TMTC2: variants seen among roughly 807,000 people sequenced by gnomAD.
TMTC2 encodes the protein protein O-mannosyl-transferase TMTC2.
Under a neutral mutation model 82.4 loss-of-function variants are expected in TMTC2, and 43 were observed. That is an observed-to-expected ratio of 0.52 (90% confidence interval 0.41 to 0.67). TMTC2 has a LOEUF of 0.67. TMTC2 is among the 30% of genes least tolerant of loss of function. TMTC2 has a pLI of 0.00. For synonymous variants in TMTC2, 408 were observed against 381.9 expected (o/e 1.07, Z -0.80); for missense variants, 919 against 1,012.4 (o/e 0.91, Z 1.25).
intron 1 of TMTC2, among the ~76,000 whole-genome samples, chr12:82,713,671 C>G (rs567367501): frequency 6.6e-6 from 1 of 152,340 alleles, no homozygotes; most frequent in Non-Finnish European, 1.5e-5. Context: ...TTACCTCCCA[C>G]TGGGTCCCTC....
At chr12:83,107,070 C>T (rs972138937) in intron 11 of TMTC2, among the ~76,000 whole-genome samples, 6 of 152,134 alleles carry the variant, frequency 3.9e-5, no homozygotes, top group African/African-American at 1.4e-4. Context: ...GGCATCTTGC[C>T]AGAAATACAG....
chr12:82,949,100 A>G (rs554156498), intron 4 of TMTC2, among the ~76,000 whole-genome samples: 3 of 152,358 alleles, frequency 2.0e-5, no homozygotes, highest in South Asian at 4.1e-4. Context: ...TGAGCAAGAA[A>G]GGTTTTGGCC....
intron 8 of TMTC2, among the ~76,000 whole-genome samples, chr12:83,028,728 G>A (rs1565860014): frequency 6.6e-6 from 1 of 152,020 alleles, no homozygotes; most frequent in South Asian, 2.1e-4. Context: ...CCTAGAATCT[G>A]TACTCCTAAT....
At chr12:83,086,806 G>T (rs748811524) in intron 11 of TMTC2, among the ~76,000 whole-genome samples, 1 of 152,072 alleles carries the variant, frequency 6.6e-6, no homozygotes, top group Non-Finnish European at 1.5e-5. Flanking sequence ...AAATGCTAAC[G>T]GTCATCTGAG....
At position 82,952,823 on chromosome 12, in the gene TMTC2, T is replaced by C. The variant is rs895061975; in HGVS notation, c.1599-12201T>C. On this transcript the variant is annotated intron_variant, in intron 4 of 11. Coordinates refer to ENST00000321196, the MANE Select transcript of TMTC2 (RefSeq NM_152588.3). ...CCTGACCTCAGGTGATCCACCCACC[T>C]CGGCCTCCCAAAGTGCTGGGATTAC... is the stretch of plus-strand genomic sequence containing the variant. Among the ~76,000 whole-genome samples, 5 of 152,230 alleles carry C rather than the reference T, an allele frequency of 3.3e-5. No individual in the cohort carries two copies. The East Asian group carries it at 7.7e-4, about 24-fold the overall frequency.
intron 11 of TMTC2, among the ~76,000 whole-genome samples, chr12:83,073,733 C>G (rs1883192366): frequency 6.6e-6 from 1 of 152,002 alleles, no homozygotes; most frequent in African/African-American, 2.4e-5. Context: ...TCTTTGAGCT[C>G]TGAATTTCCT....
intron 7 of TMTC2, among the ~76,000 whole-genome samples, chr12:82,968,805 T>TG (rs1344442222): frequency 6.6e-6 from 1 of 152,112 alleles, no homozygotes; most frequent in African/African-American, 2.4e-5. Context: ...AGTGTGTCCC[T>TG]GGGGGTTATT....
intron 1 of TMTC2, among the ~76,000 whole-genome samples, chr12:82,830,495 G>A (rs1293237792): frequency 6.6e-6 from 1 of 152,112 alleles, no homozygotes; most frequent in Non-Finnish European, 1.5e-5. Context: ...TCAGATATCA[G>A]TGGAGTTTTC....
intron 2 of TMTC2, among the ~76,000 whole-genome samples, chr12:82,894,536 G>T (rs1170737942): frequency 1.3e-5 from 2 of 152,146 alleles, no homozygotes; most frequent in Non-Finnish European, 2.9e-5. Flanking sequence ...GAATGTCATT[G>T]AGTAAGACAA....
chr12:82,899,662 TAA>T (rs1873875133), intron 3 of TMTC2, among the ~76,000 whole-genome samples: 1 of 138,112 alleles, frequency 7.2e-6, no homozygotes, highest in Admixed American at 7.7e-5. Context: ...AATATATATA[TAA>T]GAATATATAT....
In TMTC2 at chr12:83,114,246, G is replaced by C. The variant is rs539321293; in HGVS notation, c.2332-17964G>C. Among the ~76,000 whole-genome samples, 30 of 149,180 alleles carry C rather than the reference G, an allele frequency of 2.0e-4. 1 individual carries two copies. The South Asian group carries it at 6.1e-3, about 30-fold the overall frequency. On this transcript the variant is annotated intron_variant, in intron 11 of 11. Transcript: ENST00000321196. ...CATGAGGGTGGAGTGCTCAAGATGCGAGTAAATCCCTTGTAAAAAAAAAAT... is the reference window on the plus strand; with the variant it reads ...CATGAGGGTGGAGTGCTCAAGATGCCAGTAAATCCCTTGTAAAAAAAAAAT...
At chr12:82,754,235 T>C (rs968874922) in intron 1 of TMTC2, among the ~76,000 whole-genome samples, 8 of 152,182 alleles carry the variant, frequency 5.3e-5, no homozygotes, top group Non-Finnish European at 1.2e-4. Flanking sequence ...TGTCATTGAT[T>C]TTTCATATCA....
At chr12:82,702,634 T>C (rs1360158336) in intron 1 of TMTC2, among the ~76,000 whole-genome samples, 2 of 152,142 alleles carry the variant, frequency 1.3e-5, no homozygotes, top group African/African-American at 2.4e-5. Flanking sequence ...CTTTTAGAAC[T>C]AAACAGAAGA....
intron 11 of TMTC2, among the ~76,000 whole-genome samples, chr12:83,115,807 T>C (rs1884736414): frequency 6.6e-6 from 1 of 152,072 alleles, no homozygotes; most frequent in African/African-American, 2.4e-5. Context: ...TTGTTGTTGT[T>C]TGAGACAAGT....
At chr12:82,828,196 T>C (rs565595057) in intron 1 of TMTC2, among the ~76,000 whole-genome samples, 1 of 151,134 alleles carries the variant, frequency 6.6e-6, no homozygotes, top group African/African-American at 2.4e-5. Flanking sequence ...CCTGGCCCTT[T>C]TGCTTTTTCT....
chr12:82,982,057 TAGTC>T (rs142494723), intron 7 of TMTC2, among the ~76,000 whole-genome samples: 2,286 of 151,776 alleles, frequency 0.015, 58 homozygotes, highest in African/African-American at 0.052. Context: ...CTCTGAAGCA[TAGTC>T]AGTTCATTTT....
rs780575952 is a variant in TMTC2, at chr12:83,030,892, T to C, written c.2152+13T>C. The C allele has an allele frequency of 1.3e-6, 2 of 1,597,826 alleles. No homozygotes were observed. Among genetic ancestry groups the C allele is most frequent in the Non-Finnish European group, 1.7e-6 (2 of 1,165,420 alleles). On this transcript the variant is annotated intron_variant, in intron 9 of 11. Transcript: ENST00000321196. ...TACATGCATTATGGTGAGTGGTTGA[T>C]AGTTTTTTTTCCATGTCCCCCACAT...
At position 82,896,542 on chromosome 12, in the gene TMTC2, C is replaced by T. The variant is rs1236935660; in HGVS notation, c.1379C>T (p.Ala460Val). ...AAGAGCTTGATTTTTTATGCTACAG[C>T]TACACTAATTGTTTTTTATGGACTC... ...FLKSLIFYAT[A>V]TLIVFYGLKT... The change falls in exon 3 of 12, where the codon GCT (alanine) becomes GTT (valine). Residue 460 changes from alanine (A) to valine (V), a missense_variant. Physicochemically the swap from Ala to Val is moderately conservative, Grantham distance 64 (BLOSUM62 0). Transcript: ENST00000321196. The T allele has an allele frequency of 1.2e-6, 2 of 1,613,970 alleles. No individual in the cohort carries two copies. Among genetic ancestry groups the T allele is most frequent in the African/African-American group, 2.7e-5 (2 of 74,890 alleles).
At chr12:82,867,608 G>C (rs1592587630) in intron 2 of TMTC2, among the ~76,000 whole-genome samples, 1 of 152,024 alleles carries the variant, frequency 6.6e-6, no homozygotes, top group African/African-American at 2.4e-5. Context: ...TATCAGTTGT[G>C]GATATTTAAA....
Sources: allele counts gnomAD v4.1 joint callset (sites outside exome capture counted in the v4.1 genomes callset), GRCh38; gene constraint gnomAD v4.1.1; transcripts MANE v1.5; gene names NCBI Gene and HGNC (gene_info 2026-07-23, HGNC 2026-07-21).